The following TAFA1 variants were observed in gnomAD, a reference collection of about 807,000 sequenced individuals.
TAFA1 encodes TAFA chemokine like family member 1.
Under a neutral mutation model 18.5 loss-of-function variants are expected in TAFA1, and 4 were observed. The observed-to-expected ratio is 0.22, with a 90% CI of 0.11 to 0.49. The LOEUF (loss-of-function observed/expected upper bound fraction) is 0.49, where lower values mean the gene tolerates loss of function less well. Ranked by LOEUF, TAFA1 falls within the 20% of genes least tolerant of loss-of-function variation. The pLI, the probability that TAFA1 is intolerant of heterozygous loss-of-function variation, is 0.98. For missense variants in TAFA1, 147 were observed against 169.0 expected (o/e 0.87, Z 0.72); for synonymous variants, 56 against 55.2 (o/e 1.01, Z -0.06).
chr3:68,112,369 C>A (rs970382310), intron 2 of TAFA1, among the ~76,000 whole-genome samples: 1 of 151,886 alleles, frequency 6.6e-6, no homozygotes, highest in Non-Finnish European at 1.5e-5. Context: ...GGGTAATGTG[C>A]CACATTAATG....
intron 2 of TAFA1, among the ~76,000 whole-genome samples, chr3:68,073,010 C>A (rs1259465693): frequency 2.0e-5 from 3 of 152,148 alleles, no homozygotes; most frequent in Admixed American, 2.0e-4. Flanking sequence ...GTACTCTTCC[C>A]CTGGCTCATT....
chr3:68,516,614 T>C (rs1242732640), intron 3 of TAFA1, among the ~76,000 whole-genome samples: 2 of 152,198 alleles, frequency 1.3e-5, no homozygotes, highest in Admixed American at 6.5e-5. Context: ...GCACTGGTTC[T>C]TTCTCTCTCC....
At chr3:68,212,455 T>C (rs2066608477) in intron 2 of TAFA1, among the ~76,000 whole-genome samples, 1 of 151,994 alleles carries the variant, frequency 6.6e-6, no homozygotes, top group African/African-American at 2.4e-5. Context: ...CAGTTTCAGC[T>C]GCTATTATCT....
At chr3:68,318,959 T>C (rs1016099088) in intron 2 of TAFA1, among the ~76,000 whole-genome samples, 6 of 152,174 alleles carry the variant, frequency 3.9e-5, no homozygotes, top group Non-Finnish European at 8.8e-5. Flanking sequence ...TAAAATTACC[T>C]TAATGCAGAT....
chr3:68,467,487 G>T (rs1293585300), intron 3 of TAFA1, among the ~76,000 whole-genome samples: 1 of 152,160 alleles, frequency 6.6e-6, no homozygotes, highest in Non-Finnish European at 1.5e-5. Flanking sequence ...GCTTGTCAAA[G>T]GTGGTAAGGA....
At chr3:68,027,065 C>G (rs940432167) in intron 2 of TAFA1, among the ~76,000 whole-genome samples, 1 of 152,010 alleles carries the variant, frequency 6.6e-6, no homozygotes, top group East Asian at 1.9e-4. Flanking sequence ...AGTATCATGA[C>G]GATGGTACCA....
At chr3:68,024,676 T>C (rs1212838852) in intron 2 of TAFA1, among the ~76,000 whole-genome samples, 1 of 152,056 alleles carries the variant, frequency 6.6e-6, no homozygotes, top group African/African-American at 2.4e-5. Flanking sequence ...GAAGATGGCA[T>C]TTACATATCA....
At chr3:68,027,309 C>T (rs1704838068) in intron 2 of TAFA1, among the ~76,000 whole-genome samples, 1 of 152,092 alleles carries the variant, frequency 6.6e-6, no homozygotes, top group Non-Finnish European at 1.5e-5. Context: ...TTAGCAGAAT[C>T]CTGAGGACAC....
chr3:68,367,478 T>A (rs2069596767), intron 2 of TAFA1, among the ~76,000 whole-genome samples: 1 of 152,182 alleles, frequency 6.6e-6, no homozygotes, highest in Admixed American at 6.5e-5. Flanking sequence ...AGCGGTCACA[T>A]ACCATGATTT....
chr3:68,040,458 A>C (rs563310520), intron 2 of TAFA1, among the ~76,000 whole-genome samples: 72 of 152,274 alleles, frequency 4.7e-4, no homozygotes, highest in Non-Finnish European at 7.8e-4. Flanking sequence ...CTCTGATTTA[A>C]TGACTCTGAA....
intron 2 of TAFA1, among the ~76,000 whole-genome samples, chr3:68,334,431 T>C (rs2068936308): frequency 6.6e-6 from 1 of 152,174 alleles, no homozygotes; most frequent in Admixed American, 6.5e-5. Context: ...GCTAGGAGTT[T>C]ATGAACAGTA....
At chr3:68,109,349 G>A (rs537573307) in intron 2 of TAFA1, among the ~76,000 whole-genome samples, 28 of 152,144 alleles carry the variant, frequency 1.8e-4, no homozygotes, top group Non-Finnish European at 3.7e-4. Context: ...ATCATTGTGC[G>A]ACATACTTTC....
At chr3:68,472,864 T>G (rs1435594456) in intron 3 of TAFA1, among the ~76,000 whole-genome samples, 2 of 152,152 alleles carry the variant, frequency 1.3e-5, no homozygotes, top group African/African-American at 4.8e-5. Flanking sequence ...GAATAAGGAA[T>G]GGCACATCAT....
intron 2 of TAFA1, among the ~76,000 whole-genome samples, chr3:68,375,811 G>A (rs2069800063): frequency 6.6e-6 from 1 of 152,128 alleles, no homozygotes; most frequent in Non-Finnish European, 1.5e-5. Flanking sequence ...TTTTTTGTAT[G>A]TGCATATATA....
chr3:68,368,711 G>A (rs1162162779), intron 2 of TAFA1, among the ~76,000 whole-genome samples: 1 of 151,948 alleles, frequency 6.6e-6, no homozygotes, highest in Non-Finnish European at 1.5e-5. Context: ...TGTGGGAAGG[G>A]GAACCCAAAA....
intron 3 of TAFA1, among the ~76,000 whole-genome samples, chr3:68,462,996 C>T (rs2071814408): frequency 6.6e-6 from 1 of 152,102 alleles, no homozygotes; most frequent in Admixed American, 6.6e-5. Flanking sequence ...ATTTAAGTGG[C>T]CTCTTTAAAA....
chr3:68,399,895 C>T (rs1375014222), intron 2 of TAFA1, among the ~76,000 whole-genome samples: 5 of 152,118 alleles, frequency 3.3e-5, no homozygotes, highest in Non-Finnish European at 4.4e-5. Flanking sequence ...GTCACAAGGG[C>T]TGGGTTCATC....
intron 2 of TAFA1, among the ~76,000 whole-genome samples, chr3:68,248,987 C>T (rs893790183): frequency 2.0e-5 from 3 of 152,002 alleles, no homozygotes; most frequent in Admixed American, 6.5e-5. Context: ...ACTCTCTTCA[C>T]GGTATGAAAG....
chr3:68,141,270 C>T (rs142096645), intron 2 of TAFA1, among the ~76,000 whole-genome samples: 88 of 152,254 alleles, frequency 5.8e-4, no homozygotes, highest in African/African-American at 2.0e-3. Flanking sequence ...CTAAGGTGGA[C>T]ACTTCTTTAA....
Sources: gnomAD v4.1 joint callset for allele counts (sites outside exome capture counted in the v4.1 genomes callset) on GRCh38, gnomAD v4.1.1 for gene constraint, MANE v1.5 for transcripts, NCBI Gene and HGNC (gene_info 2026-07-23, HGNC 2026-07-21) for gene names.